The following LTAP1 variants were observed in gnomAD, a reference collection of about 807,000 sequenced individuals.
The protein encoded by LTAP1 is lipid transport auxiliary protein 1.
the LTAP1 span, chr1:154,220,232 C>A: frequency 7.4e-7 from 1 of 1,351,190 alleles, no homozygotes; most frequent in East Asian, 2.3e-5. Context: ...AGTCAAAGCC[C>A]GGATAGGCGC....
At chr1:154,212,649 A>T in the LTAP1 span, 39 of 1,606,374 alleles carry the variant, frequency 2.4e-5, no homozygotes, top group Non-Finnish European at 3.0e-5. Context: ...GCACAATGAT[A>T]TCTCTTCTCA....
the LTAP1 span, chr1:154,207,480 G>A: frequency 6.2e-6 from 10 of 1,614,122 alleles, no homozygotes; most frequent in African/African-American, 1.3e-4. Flanking sequence ...ATGTGTTATA[G>A]TTATCCTTAA....
the LTAP1 span, chr1:154,207,495 CTTCAA>C: frequency 6.2e-7 from 1 of 1,614,128 alleles, no homozygotes; most frequent in Non-Finnish European, 8.5e-7. Context: ...CCTTAAAGCT[CTTCAA>C]TTCAAGGAAG....
At chr1:154,219,806 G>A in the LTAP1 span, 3 of 1,465,528 alleles carry the variant, frequency 2.0e-6, no homozygotes, top group Non-Finnish European at 2.8e-6. Context: ...ATCTGGAGAA[G>A]TATGTTTAAC....
the LTAP1 span, chr1:154,220,332 A>G: frequency 6.2e-7 from 1 of 1,614,054 alleles, no homozygotes; most frequent in Non-Finnish European, 8.5e-7. Context: ...GGGTGGGGTA[A>G]TCTCCTCACC....
chr1:154,208,257 A>G, the LTAP1 span, among the ~76,000 whole-genome samples: 1 of 152,168 alleles, frequency 6.6e-6, no homozygotes, highest in Non-Finnish European at 1.5e-5. Context: ...TTAGCCAGGT[A>G]TGGTGGCAAG....
At chr1:154,212,189 A>G in the LTAP1 span, 1 of 992,908 alleles carries the variant, frequency 1.0e-6, no homozygotes, top group Non-Finnish European at 1.6e-6. Context: ...GACTGATCTA[A>G]TAGTCTAGAA....
chr1:154,220,202 C>T, the LTAP1 span: 58 of 1,076,264 alleles, frequency 5.4e-5, no homozygotes, highest in Non-Finnish European at 8.2e-5. Flanking sequence ...CTTAAACTCC[C>T]ACCTACTCCT....
the LTAP1 span, chr1:154,213,898 G>A: frequency 2.0e-5 from 33 of 1,612,836 alleles, no homozygotes; most frequent in Admixed American, 3.8e-4. Flanking sequence ...CTTACCAGAG[G>A]TACGAATGGC....
the LTAP1 span, among the ~76,000 whole-genome samples, chr1:154,214,270 C>T: frequency 1.3e-5 from 2 of 151,964 alleles, no homozygotes; most frequent in East Asian, 3.8e-4. Flanking sequence ...GAGTGAAACT[C>T]CATCTCAAAA....
the LTAP1 span, among the ~76,000 whole-genome samples, chr1:154,211,194 G>A: frequency 6.7e-6 from 1 of 148,310 alleles, no homozygotes; most frequent in African/African-American, 2.6e-5. Flanking sequence ...CAGTAAAGAC[G>A]AGGTTTCACC....
chr1:154,209,477 G>C, the LTAP1 span, among the ~76,000 whole-genome samples: 1 of 142,144 alleles, frequency 7.0e-6, no homozygotes, highest in African/African-American at 2.6e-5. Flanking sequence ...CCAGGTTAGA[G>C]GGCAGTGGCA....
chr1:154,220,143 T>C, the LTAP1 span: 17 of 746,338 alleles, frequency 2.3e-5, no homozygotes, highest in East Asian at 2.6e-5. Flanking sequence ...GCTCTAGCGT[T>C]AAAGGGAGGG....
At chr1:154,217,434 T>A in the LTAP1 span, among the ~76,000 whole-genome samples, 1 of 152,196 alleles carries the variant, frequency 6.6e-6, no homozygotes, top group Non-Finnish European at 1.5e-5. Context: ...GATGTACTCT[T>A]TTACAGTTCT....
At chr1:154,214,827 C>T in the LTAP1 span, among the ~76,000 whole-genome samples, 4 of 150,726 alleles carry the variant, frequency 2.7e-5, no homozygotes, top group Non-Finnish European at 5.9e-5. Context: ...AGCTATACAG[C>T]ACCAACATTA....
the LTAP1 span, among the ~76,000 whole-genome samples, chr1:154,216,447 G>A: frequency 1.3e-5 from 2 of 151,776 alleles, no homozygotes; most frequent in African/African-American, 4.8e-5. Context: ...TGATCCTCCT[G>A]CCTTAGCCTC....
the LTAP1 span, among the ~76,000 whole-genome samples, chr1:154,213,499 A>T: frequency 6.6e-6 from 1 of 152,214 alleles, no homozygotes; most frequent in Non-Finnish European, 1.5e-5. Context: ...CCTAGGTTTA[A>T]GATATAAACT....
At chr1:154,210,223 G>A in the LTAP1 span, among the ~76,000 whole-genome samples, 1 of 152,202 alleles carries the variant, frequency 6.6e-6, no homozygotes, top group South Asian at 2.1e-4. Context: ...ATTTTTAGTA[G>A]AGATGAGGTT....
At chr1:154,215,655 G>C in the LTAP1 span, among the ~76,000 whole-genome samples, 1 of 151,650 alleles carries the variant, frequency 6.6e-6, no homozygotes, top group East Asian at 1.9e-4. Flanking sequence ...TCTTACCTAA[G>C]AGGGTTACCA....
Sources: allele counts gnomAD v4.1 joint callset (sites outside exome capture counted in the v4.1 genomes callset), GRCh38; gene constraint gnomAD v4.1.1; transcripts MANE v1.5; gene names NCBI Gene and HGNC (gene_info 2026-07-23, HGNC 2026-07-21).